MUC7: variants seen among roughly 807,000 people sequenced by gnomAD.
The protein encoded by MUC7 is mucin-7.
Under a neutral mutation model 2.5 loss-of-function variants are expected in MUC7, and 2 were observed. The observed-to-expected ratio is 0.81, with a 90% CI of 0.33 to 2.55. The LOEUF is 2.55. Ranked by LOEUF, MUC7 falls within the 30% of genes most tolerant of loss-of-function variation. MUC7 has a pLI of 0.11. For missense variants in MUC7, 408 were observed against 455.6 expected (o/e 0.90, Z 0.95); for synonymous variants, 133 against 173.4 (o/e 0.77, Z 1.83).
chr4:70,435,901 T>C (rs2109699133), intron 1 of MUC7, among the ~76,000 whole-genome samples: 1 of 152,364 alleles, frequency 6.6e-6, no homozygotes, highest in East Asian at 1.9e-4. Context: ...GGCCTGGTGG[T>C]GATAAAATCT....
intron 1 of MUC7, among the ~76,000 whole-genome samples, chr4:70,462,459 T>C (rs1402131584): frequency 1.3e-5 from 2 of 152,304 alleles, no homozygotes; most frequent in South Asian, 2.1e-4. Context: ...AATCACTATA[T>C]TTTCTTCTAG....
chr4:70,481,055 C>A lies in MUC7; in HGVS notation c.311C>A (p.Thr104Asn). ...AAAAATAGCAGTGTGGTCAACCCTA[C>A]CTTAGTGGCTACAACCCAAATTCCA... ...PDKNSSVVNP[T>N]LVATTQIPSV... Residue 104 changes from threonine to asparagine, a missense_variant, in exon 3 of 3, where the codon ACC becomes AAC. This residue lies in a region of MUC7 where 225 missense variants were observed against 240.5 expected (regional missense o/e 0.94). Coordinates refer to ENST00000304887, the MANE Select transcript of MUC7 (RefSeq NM_152291.3). 2 of 1,614,130 alleles carry A rather than the reference C, an allele frequency of 1.2e-6. No homozygotes were observed. Among genetic ancestry groups the A allele is most frequent in the Middle Eastern group, 1.6e-4 (1 of 6,062 alleles).
rs531876114 is a variant in MUC7 at position 70,475,492 on chromosome 4, G to A, written c.54+1417G>A. ...ATTTTCACCTAGGGAGAAAATGTAG[G>A]AAGTTTAGATATGGATAGAGAAAAT... On this transcript the variant is annotated intron_variant, in intron 2 of 2. Transcript: ENST00000304887. 2.0e-3 allele frequency among the ~76,000 whole-genome samples: 310 copies of A among 152,232 alleles called. 2 individuals are homozygous for A. The highest frequency in any genetic ancestry group is 3.4e-3 in the Middle Eastern group (1 of 294).
chr4:70,465,408 A>G (rs1384444430), intron 1 of MUC7, among the ~76,000 whole-genome samples: 1 of 152,162 alleles, frequency 6.6e-6, no homozygotes, highest in Non-Finnish European at 1.5e-5. Context: ...AGTTTGACAA[A>G]TTGACAGAAG....
chr4:70,444,816 C>T (rs1019178151), intron 1 of MUC7, among the ~76,000 whole-genome samples: 1 of 152,090 alleles, frequency 6.6e-6, no homozygotes, highest in Non-Finnish European at 1.5e-5. Context: ...CTTTGGGAGG[C>T]CAAGGTGGGC....
intron 1 of MUC7, among the ~76,000 whole-genome samples, chr4:70,453,672 TC>T (rs1734346954): frequency 6.6e-6 from 1 of 152,186 alleles, no homozygotes; most frequent in Non-Finnish European, 1.5e-5. Flanking sequence ...TACTTTTCCC[TC>T]TGCTTTTCTC....
At chr4:70,447,873 TA>T (rs1214035582) in intron 1 of MUC7, among the ~76,000 whole-genome samples, 1 of 152,110 alleles carries the variant, frequency 6.6e-6, no homozygotes, top group Non-Finnish European at 1.5e-5. Flanking sequence ...TAGCACACAG[TA>T]GTTCTTATTC....
In MUC7 at chr4:70,457,829, A is replaced by T. The variant is rs1734449800; in HGVS notation, c.-92-14386A>T. Among the ~76,000 whole-genome samples the T allele has an allele frequency of 3.9e-5, 6 of 152,162 alleles. 1 individual carries two copies. The highest frequency in any genetic ancestry group is 3.9e-4 in the Admixed American group (6 of 15,272). ...AACTCTATAACCATTAAAAATGGTG[A>T]CTATTAAATGAATCATTAAAATCCT... On this transcript the variant is annotated intron_variant, in intron 1 of 3. Coordinates refer to the MUC7 transcript ENST00000413702.
At chr4:70,475,624 G>T (rs137921416) in intron 2 of MUC7, among the ~76,000 whole-genome samples, 5 of 152,228 alleles carry the variant, frequency 3.3e-5, no homozygotes, top group African/African-American at 9.6e-5. Context: ...GGCAAAGGAA[G>T]ATTAAAATTA....
upstream of MUC7, among the ~76,000 whole-genome samples, chr4:70,470,578 A>G (rs2130651): frequency 5.3e-5 from 8 of 152,082 alleles, no homozygotes; most frequent in East Asian, 1.5e-3. Flanking sequence ...TAATTAGACA[A>G]TTTTTGAAAT....
At chr4:70,472,352 A>G (rs1185798433) in intron 1 of MUC7, 61 bp downstream of exon 1, 1 of 152,222 alleles carries the variant, frequency 6.6e-6, no homozygotes, top group African/African-American at 2.4e-5. Flanking sequence ...TAATATACAT[A>G]TATTAAGTAA....
intron 1 of MUC7, among the ~76,000 whole-genome samples, chr4:70,453,011 C>T (rs1376076688): frequency 2.0e-5 from 3 of 152,192 alleles, no homozygotes; most frequent in Non-Finnish European, 4.4e-5. Context: ...ATATGTCATG[C>T]CACTCTCTCC....
rs184983703 is a variant in MUC7 at position 70,448,478 on chromosome 4, G to A, written c.-93+17791G>A. On this transcript the variant is annotated intron_variant, in intron 1 of 3. Transcript: ENST00000413702. ...TAAAAGCCATTTTAAATAGAGTAAG[G>A]TAATATCTCATTGCAGTTTTGATTT... Among the ~76,000 whole-genome samples the A allele has an allele frequency of 9.9e-5, 15 of 152,216 alleles. No homozygotes were observed. In the East Asian group the frequency reaches 2.7e-3, roughly 27 times the overall value.
chr4:70,468,985 C>T (rs1426097283), upstream of MUC7, among the ~76,000 whole-genome samples: 1 of 152,190 alleles, frequency 6.6e-6, no homozygotes, highest in East Asian at 1.9e-4. Context: ...CTGGAGGGAT[C>T]ATGCTACCTG....
intron 1 of MUC7, among the ~76,000 whole-genome samples, chr4:70,435,561 C>A (rs535499906): frequency 6.6e-6 from 1 of 152,152 alleles, no homozygotes; most frequent in Non-Finnish European, 1.5e-5. Context: ...CTTGGTAGAT[C>A]TTCCTCCAAC....
At chr4:70,450,028 C>T (rs994260661) in intron 1 of MUC7, among the ~76,000 whole-genome samples, 1 of 152,234 alleles carries the variant, frequency 6.6e-6, no homozygotes, top group African/African-American at 2.4e-5. Context: ...CTATGTCCTT[C>T]CATTCAGGAT....
chr4:70,458,805 A>G (rs1734473328), intron 1 of MUC7, among the ~76,000 whole-genome samples: 1 of 152,110 alleles, frequency 6.6e-6, no homozygotes, highest in Non-Finnish European at 1.5e-5. Context: ...TGCTAGAAAC[A>G]TGATTATAAG....
At chr4:70,444,286 G>A (rs898135696) in intron 1 of MUC7, among the ~76,000 whole-genome samples, 5 of 152,098 alleles carry the variant, frequency 3.3e-5, no homozygotes, top group Non-Finnish European at 7.4e-5. Flanking sequence ...CTTCCACTGG[G>A]TATTTTGCTT....
intron 1 of MUC7, among the ~76,000 whole-genome samples, chr4:70,443,427 AC>A (rs1734052544): frequency 6.6e-6 from 1 of 152,154 alleles, no homozygotes; most frequent in South Asian, 2.1e-4. Flanking sequence ...AAAAGATCTC[AC>A]ACTATCAAAT....
Sources: allele counts gnomAD v4.1 joint callset (sites outside exome capture counted in the v4.1 genomes callset), GRCh38; gene constraint gnomAD v4.1.1; regional missense constraint gnomAD v4.1.1; transcripts MANE v1.5; gene names NCBI Gene and HGNC (gene_info 2026-07-23, HGNC 2026-07-21).